DMD: variants seen among roughly 807,000 people sequenced by gnomAD.
DMD encodes the protein mutant dystrophin.
Under a neutral mutation model 330.1 loss-of-function variants are expected in DMD, and 63 were observed. The observed-to-expected ratio is 0.19, with a 90% CI of 0.16 to 0.24. The LOEUF is 0.24. Ranked by LOEUF, DMD falls within the 10% of genes least tolerant of loss-of-function variation. The pLI, the probability that DMD is intolerant of heterozygous loss-of-function variation, is 1.00. For synonymous variants in DMD, 1,223 were observed against 959.8 expected (o/e 1.27, Z -5.07); for missense variants, 3,344 against 2,684.1 (o/e 1.25, Z -5.43).
chrX:31,944,480 CTT>C (rs763562090), intron 45 of DMD, among the ~76,000 whole-genome samples: 6 of 98,615 alleles, frequency 6.1e-5, no homozygotes, highest in Admixed American at 2.2e-4. Flanking sequence ...ACAATTACCA[CTT>C]TTTTTTTTTT....
At chrX:32,008,525 C>T (rs1287112433) in intron 44 of DMD, among the ~76,000 whole-genome samples, 1 of 111,838 alleles carries the variant, frequency 8.9e-6, no homozygotes, top group East Asian at 2.8e-4. Flanking sequence ...ACGTGCTTTG[C>T]CATTCTCTTG....
chrX:32,644,427 A>C, intron 10 of DMD, 114 bp from the exon 11 acceptor site: 1 of 790,568 alleles, frequency 1.3e-6, no homozygotes, highest in Non-Finnish European at 1.8e-6. Flanking sequence ...TTATATTCCC[A>C]GTAAAAGGAA....
chrX:31,370,098 C>CAAA (rs59989996), intron 60 of DMD, among the ~76,000 whole-genome samples: 2 of 59,308 alleles, frequency 3.4e-5, no homozygotes, highest in African/African-American at 7.9e-5. Context: ...GGCTCCGTCT[C>CAAA]AAAAAAAAAA....
At chrX:31,542,515 C>T (rs1171871818) in intron 55 of DMD, among the ~76,000 whole-genome samples, 1 of 111,829 alleles carries the variant, frequency 8.9e-6, no homozygotes, top group Non-Finnish European at 1.9e-5. Context: ...ATAAAGTTAT[C>T]GTAAGAAATG....
chrX:31,316,612 C>T (rs2148233426), intron 62 of DMD, among the ~76,000 whole-genome samples: 1 of 111,964 alleles, frequency 8.9e-6, no homozygotes, highest in Admixed American at 9.4e-5. Flanking sequence ...ACCCCTTTCA[C>T]TCTCTTTCAG....
intron 32 of DMD, 90 bp downstream of exon 32, chrX:32,389,411 C>T: frequency 1.0e-6 from 1 of 997,095 alleles, no homozygotes; most frequent in Non-Finnish European, 1.4e-6. Flanking sequence ...TTATGGTTAT[C>T]TGAAAACAAT....
rs766075521 is a variant in DMD, at chrX:31,147,470, T to C, written c.10602A>G (p.Lys3534=). ...YDRLKQQHEH[K]GLSPLPSPPE... ...GAGGGGACGGCAGTGGGGACAGGCC[T>C]TTATGTTCGTGCTGCTGCTTTAGAC... The change falls in exon 75 of 79, where the codon AAA becomes AAG. Residue 3534 remains lysine (K), a synonymous_variant. Coordinates refer to ENST00000357033, the MANE Select transcript of DMD (RefSeq NM_004006.3). 4.2e-6 allele frequency: 5 copies of C among 1,202,127 alleles called. No individual in the cohort carries two copies. In the East Asian group the frequency reaches 1.5e-4, roughly 36 times the overall value.
rs73464898 is a variant in DMD at position 32,893,619 on chromosome X, A to C, written c.94-43799T>G. 6.1e-3 allele frequency among the ~76,000 whole-genome samples: 685 copies of C among 111,796 alleles called. 2 individuals carry two copies. The highest frequency in any genetic ancestry group is 0.021 in the African/African-American group (646 of 30,762). Reference sequence around the variant, plus strand: ...GTGGGGTTATTAAGCAAAGTAGTAAACTATGAACACACCTAAGTTTTTTCT... The same window carrying C: ...GTGGGGTTATTAAGCAAAGTAGTAACCTATGAACACACCTAAGTTTTTTCT... On this transcript the variant is annotated intron_variant, in intron 2 of 78. Coordinates refer to ENST00000357033, the MANE Select transcript of DMD (RefSeq NM_004006.3).
intron 38 of DMD, 59 bp downstream of exon 38, chrX:32,348,347 C>T (rs1603631363): frequency 8.8e-7 from 1 of 1,132,397 alleles, no homozygotes; most frequent in East Asian, 3.0e-5. Context: ...TATCTAAGTT[C>T]TTTCCAAATA....
chrX:32,959,310 C>T (rs915643190), intron 2 of DMD, among the ~76,000 whole-genome samples: 1 of 111,312 alleles, frequency 9.0e-6, no homozygotes, highest in Non-Finnish European at 1.9e-5. Context: ...GCTTCAGAAT[C>T]CAACTCTTAA....
intron 63 of DMD, among the ~76,000 whole-genome samples, chrX:31,228,253 T>C (rs1024159311): frequency 2.3e-5 from 1 of 42,563 alleles, no homozygotes; most frequent in African/African-American, 1.1e-4. Context: ...ACTTAAAGTA[T>C]AATAAAAAAA....
At chrX:32,364,974 T>A in intron 35 of DMD, 46 bp downstream of exon 35, 1 of 1,189,318 alleles carries the variant, frequency 8.4e-7, no homozygotes, top group Non-Finnish European at 1.1e-6. Flanking sequence ...TGTATCTTTT[T>A]CTCGTGACAG....
intron 9 of DMD, among the ~76,000 whole-genome samples, chrX:32,670,072 A>T (rs1265510450): frequency 8.9e-6 from 1 of 112,022 alleles, no homozygotes; most frequent in Non-Finnish European, 1.9e-5. Context: ...AAGGCTCATC[A>T]TTCAGTTATA....
chrX:31,770,643 A>C (rs1875100024), intron 51 of DMD, among the ~76,000 whole-genome samples: 1 of 111,623 alleles, frequency 9.0e-6, no homozygotes, highest in African/African-American at 3.3e-5. Flanking sequence ...AGCATCACCC[A>C]CACAATATCA....
At chrX:31,683,624 C>T (rs1400025893) in intron 52 of DMD, among the ~76,000 whole-genome samples, 1 of 111,991 alleles carries the variant, frequency 8.9e-6, no homozygotes, top group African/African-American at 3.3e-5. Flanking sequence ...CTGAGCCCAA[C>T]ACCGGGCTGG....
intron 7 of DMD, among the ~76,000 whole-genome samples, chrX:32,732,563 C>G (rs1488208768): frequency 9.0e-6 from 1 of 111,589 alleles, no homozygotes; most frequent in African/African-American, 3.3e-5. Flanking sequence ...CAGCGGATCT[C>G]TCGGCAGACA....
At chrX:32,132,642 C>T (rs1293051026) in intron 44 of DMD, among the ~76,000 whole-genome samples, 1 of 111,320 alleles carries the variant, frequency 9.0e-6, no homozygotes, top group African/African-American at 3.3e-5. Context: ...ACTAAGGAAT[C>T]TTGCTGCTAA....
At chrX:32,490,527 A>G (rs966033475) in intron 20 of DMD, among the ~76,000 whole-genome samples, 1 of 111,363 alleles carries the variant, frequency 9.0e-6, no homozygotes, top group African/African-American at 3.3e-5. Context: ...GATTAAGTTT[A>G]GTCAGTGAGG....
At chrX:31,861,611 TTAACTAC>T (rs1208157469) in intron 48 of DMD, among the ~76,000 whole-genome samples, 2 of 102,204 alleles carry the variant, frequency 2.0e-5, no homozygotes, top group African/African-American at 7.1e-5. Context: ...AGACAGTTCT[TTAACTAC>T]TAATACAGAA....
Sources: gnomAD v4.1 joint callset for allele counts (sites outside exome capture counted in the v4.1 genomes callset) on GRCh38, gnomAD v4.1.1 for gene constraint, MANE v1.5 for transcripts, NCBI Gene and HGNC (gene_info 2026-07-23, HGNC 2026-07-21) for gene names.